The following KSR2 variants were observed in gnomAD, a reference collection of about 807,000 sequenced individuals.
KSR2 encodes the protein kinase suppressor of ras 2.
A neutral mutation model predicts 107.8 loss-of-function variants in KSR2; 25 were observed. That is an observed-to-expected ratio of 0.23 (90% CI 0.17 to 0.32). The LOEUF is 0.32. Ranked by LOEUF, KSR2 falls within the 10% of genes least tolerant of loss-of-function variation. KSR2 has a pLI of 1.00. For missense variants in KSR2, 887 were observed against 1,268.9 expected (o/e 0.70, Z 4.57); for synonymous variants, 480 against 507.0 (o/e 0.95, Z 0.71).
At chr12:117,637,767 C>T (rs530903082) in intron 5 of KSR2, among the ~76,000 whole-genome samples, 222 of 141,704 alleles carry the variant, frequency 1.6e-3, no homozygotes, top group Non-Finnish European at 2.7e-3. Flanking sequence ...CTGCAACCTC[C>T]ACCTCCCAGG....
At chr12:117,468,745 T>TG (rs1209097115) in intron 19 of KSR2, among the ~76,000 whole-genome samples, 2 of 152,212 alleles carry the variant, frequency 1.3e-5, no homozygotes, top group Non-Finnish European at 2.9e-5. Flanking sequence ...ATTGTGTACC[T>TG]GTGTGTGTAT....
chr12:117,796,522 C>A (rs965430947), intron 3 of KSR2, among the ~76,000 whole-genome samples: 4 of 152,222 alleles, frequency 2.6e-5, no homozygotes, highest in South Asian at 2.1e-4. Flanking sequence ...TGATATTTTA[C>A]ACCCAAAGGA....
chr12:117,552,239 C>T lies in KSR2; in HGVS notation c.1518+2930G>A, dbSNP rs188342520. ...GATATTAACTATGGGCCAGGAAGTA[C>T]ACTGAGTGCATTTAAATGTTGATTA... On this transcript the variant is annotated intron_variant, in intron 9 of 19. Coordinates refer to ENST00000339824, the MANE Select transcript of KSR2 (RefSeq NM_173598.6). Among the ~76,000 whole-genome samples the T allele has an allele frequency of 1.2e-4, 18 of 152,316 alleles. No individual in the cohort carries two copies. The East Asian group carries it at 2.7e-3, about 23-fold the overall frequency.
At chr12:117,695,967 C>G (rs1417630697) in intron 4 of KSR2, among the ~76,000 whole-genome samples, 2 of 152,150 alleles carry the variant, frequency 1.3e-5, no homozygotes, top group South Asian at 2.1e-4. Context: ...AAGCTGACAG[C>G]CAGCACAGTG....
At chr12:117,567,857 T>C (rs1004412064) in intron 7 of KSR2, among the ~76,000 whole-genome samples, 1 of 147,364 alleles carries the variant, frequency 6.8e-6, no homozygotes, top group Non-Finnish European at 1.5e-5. Context: ...GTTCACTGCA[T>C]ACCAACTGAG....
At chr12:117,870,489 A>G (rs930846171) in intron 1 of KSR2, among the ~76,000 whole-genome samples, 14 of 152,060 alleles carry the variant, frequency 9.2e-5, no homozygotes, top group African/African-American at 3.4e-4. Flanking sequence ...AGTCCCAGCT[A>G]CTCGGGAGGC....
intron 7 of KSR2, among the ~76,000 whole-genome samples, chr12:117,568,360 A>G (rs1286877480): frequency 6.6e-6 from 1 of 152,182 alleles, no homozygotes; most frequent in Non-Finnish European, 1.5e-5. Flanking sequence ...GCTTTGGTCC[A>G]GGTTGGAATT....
intron 2 of KSR2, among the ~76,000 whole-genome samples, chr12:117,857,408 A>G (rs1304443875): frequency 6.6e-6 from 1 of 152,204 alleles, no homozygotes; most frequent in Non-Finnish European, 1.5e-5. Context: ...GGTGATTCAT[A>G]ACATAAAAGG....
chr12:117,471,841 A>G (rs1295110363), intron 17 of KSR2, among the ~76,000 whole-genome samples: 1 of 152,180 alleles, frequency 6.6e-6, no homozygotes, highest in African/African-American at 2.4e-5. Flanking sequence ...GCAGGATATG[A>G]GACTGTATGT....
At chr12:117,725,879 A>G (rs115983367) in intron 4 of KSR2, among the ~76,000 whole-genome samples, 1,946 of 152,172 alleles carry the variant, frequency 0.013, 41 homozygotes, top group African/African-American at 0.045. Flanking sequence ...CCCAGGAGGT[A>G]GAGGTTGCAG....
chr12:117,608,465 AAC>A (rs1171344847), intron 5 of KSR2, among the ~76,000 whole-genome samples: 1 of 152,204 alleles, frequency 6.6e-6, no homozygotes, highest in Non-Finnish European at 1.5e-5. Flanking sequence ...AGAATAAAGA[AAC>A]TTGCTCCAGA....
At chr12:117,595,653 G>A (rs1202207069) in intron 5 of KSR2, among the ~76,000 whole-genome samples, 3 of 152,180 alleles carry the variant, frequency 2.0e-5, no homozygotes, top group African/African-American at 2.4e-5. Flanking sequence ...GTGAGCCACC[G>A]CGCCCGGCCC....
At chr12:117,716,531 T>A (rs999279990) in intron 4 of KSR2, among the ~76,000 whole-genome samples, 1 of 152,252 alleles carries the variant, frequency 6.6e-6, no homozygotes, top group Non-Finnish European at 1.5e-5. Context: ...ATATTTTGGA[T>A]CTATTGGTAA....
intron 10 of KSR2, among the ~76,000 whole-genome samples, chr12:117,537,337 G>A (rs1215005895): frequency 6.6e-6 from 1 of 152,114 alleles, no homozygotes; most frequent in Non-Finnish European, 1.5e-5. Flanking sequence ...CTACAATTCT[G>A]TCTAGGTCCT....
rs75252935 is a variant in KSR2 at position 117,533,962 on chromosome 12, C to A, written c.1688-2255G>T. On this transcript the variant is annotated intron_variant, in intron 10 of 19. Transcript: ENST00000339824. Reference sequence around the variant, plus strand: ...GAGGAAGAAAGACATTGTTGGGAGACCTGTTCTTCCTGCTGATGACAGACA... The same window carrying A: ...GAGGAAGAAAGACATTGTTGGGAGAACTGTTCTTCCTGCTGATGACAGACA... Among the ~76,000 whole-genome samples the A allele has an allele frequency of 7.9e-3, 1,201 of 152,252 alleles. 16 individuals are homozygous for A. The highest frequency in any genetic ancestry group is 0.027 in the African/African-American group (1,129 of 41,558).
intron 5 of KSR2, among the ~76,000 whole-genome samples, chr12:117,637,714 C>A (rs1468413231): frequency 9.4e-6 from 1 of 106,190 alleles, no homozygotes; most frequent in African/African-American, 3.8e-5. Context: ...CAGAGTCTCG[C>A]TCTGTTGCCC....
chr12:117,795,463 G>C (rs1433017988), intron 3 of KSR2, among the ~76,000 whole-genome samples: 4 of 152,092 alleles, frequency 2.6e-5, no homozygotes, highest in Non-Finnish European at 4.4e-5. Flanking sequence ...TCAGAGAAAT[G>C]GCTCAGGATT....
At chr12:117,742,203 G>T (rs554491231) in intron 4 of KSR2, among the ~76,000 whole-genome samples, 1 of 152,226 alleles carries the variant, frequency 6.6e-6, no homozygotes, top group Admixed American at 6.5e-5. Context: ...CCCAGGAATT[G>T]TTCCTGATTA....
At chr12:117,935,524 G>A (rs1162494665) in intron 1 of KSR2, among the ~76,000 whole-genome samples, 1 of 152,144 alleles carries the variant, frequency 6.6e-6, no homozygotes, top group East Asian at 1.9e-4. Flanking sequence ...CTTTTGGGAG[G>A]CCGAGGTGGG....
Sources: allele counts gnomAD v4.1 joint callset (sites outside exome capture counted in the v4.1 genomes callset), GRCh38; gene constraint gnomAD v4.1.1; transcripts MANE v1.5; gene names NCBI Gene and HGNC (gene_info 2026-07-23, HGNC 2026-07-21).